Variants in ZNF341 observed in about 807,000 individuals in gnomAD.
ZNF341 encodes the protein zinc finger protein 341.
A neutral mutation model predicts 87.7 loss-of-function variants in ZNF341; 52 were observed. The observed-to-expected ratio is 0.59, with a 90% CI of 0.47 to 0.75. The LOEUF (loss-of-function observed/expected upper bound fraction) is 0.75. ZNF341 is among the 30% of genes least tolerant of loss of function. The pLI is 0.00. For synonymous variants in ZNF341, 459 were observed against 472.7 expected (o/e 0.97, Z 0.38); for missense variants, 977 against 1,145.9 (o/e 0.85, Z 2.13).
chr20:33,745,913 C>A (rs373640877), intron 3 of ZNF341, among the ~76,000 whole-genome samples: 2 of 146,600 alleles, frequency 1.4e-5, no homozygotes, highest in African/African-American at 2.5e-5. Flanking sequence ...CTTGGCAGAT[C>A]GTGTAGGGTC....
At chr20:33,757,002 G>A in intron 5 of ZNF341, 146 bp from the exon 6 acceptor site, 1 of 587,542 alleles carries the variant, frequency 1.7e-6, no homozygotes. Flanking sequence ...GGAGTGGCTT[G>A]GGTGACCGGG....
In ZNF341 at chr20:33,747,483, C is replaced by T. The variant is rs753193235; in HGVS notation, c.340-1440C>T. ...ACAAAAAATTAGCCGGGCGTAGTGG[C>T]GGGCGCCTGTAGTCCCAGCTACTTG... On this transcript the variant is annotated intron_variant, in intron 3 of 14. Transcript: ENST00000375200. Among the ~76,000 whole-genome samples the T allele has an allele frequency of 1.4e-4, 20 of 143,156 alleles. 1 individual carries two copies. The highest frequency in any genetic ancestry group is 4.1e-4 in the Admixed American group (6 of 14,760). 93.9% of individuals were successfully genotyped at this position (143,156 alleles called of 152,430 possible).
intron 1 of ZNF341, among the ~76,000 whole-genome samples, chr20:33,733,815 G>A (rs1436281344): frequency 6.6e-6 from 1 of 152,204 alleles, no homozygotes; most frequent in East Asian, 1.9e-4. Context: ...TGGTAGAGGA[G>A]AGAAATTATA....
At chr20:33,763,492 C>A (rs2019337502) in intron 8 of ZNF341, among the ~76,000 whole-genome samples, 1 of 152,038 alleles carries the variant, frequency 6.6e-6, no homozygotes, top group Admixed American at 6.6e-5. Context: ...AGAGACAAGG[C>A]TTCACCATGT....
Position 33,758,715 on chromosome 20 carries a change from G to A in ZNF341, c.938-1G>A, listed in dbSNP as rs1250556887. The A allele has an allele frequency of 6.2e-7, 1 of 1,612,898 alleles. No homozygotes were observed. The highest frequency in any genetic ancestry group is 8.5e-7 in the Non-Finnish European group (1 of 1,179,592). ...GTCCCCTCCTTCCACTTGTCTTTCA[G>A]CTGCAGGGAAGCCAAAGGCTCAGAA... On this transcript the variant is annotated splice_acceptor_variant, in intron 6 of 14. Coordinates refer to ENST00000375200, the MANE Select transcript of ZNF341 (RefSeq NM_001282933.2). LOFTEE classifies it high-confidence loss of function.
chr20:33,751,828 C>T (rs1239465450), intron 4 of ZNF341, among the ~76,000 whole-genome samples: 4 of 152,152 alleles, frequency 2.6e-5, no homozygotes. Context: ...CTCAGCCTCC[C>T]AAAGTGTTGA....
chr20:33,756,835 G>A (rs1021919619), intron 5 of ZNF341, among the ~76,000 whole-genome samples: 1 of 152,186 alleles, frequency 6.6e-6, no homozygotes, highest in Admixed American at 6.5e-5. Flanking sequence ...GTACTATGAT[G>A]AGTCCCATTT....
intron 8 of ZNF341, among the ~76,000 whole-genome samples, chr20:33,766,146 A>C (rs565285920): frequency 3.3e-5 from 5 of 152,088 alleles, no homozygotes; most frequent in Non-Finnish European, 4.4e-5. Flanking sequence ...TGGCCTCCCA[A>C]AGTGCTGGGA....
At chr20:33,763,470 C>A (rs571518485) in intron 8 of ZNF341, among the ~76,000 whole-genome samples, 1 of 151,944 alleles carries the variant, frequency 6.6e-6, no homozygotes, top group Non-Finnish European at 1.5e-5. Flanking sequence ...GGCTAATTTT[C>A]GTATTTTTAG....
chr20:33,735,278 G>A (rs932398680), intron 1 of ZNF341, among the ~76,000 whole-genome samples: 1 of 152,112 alleles, frequency 6.6e-6, no homozygotes, highest in Non-Finnish European at 1.5e-5. Flanking sequence ...TGATCTGCCC[G>A]CCTTGGCCTC....
intron 8 of ZNF341, among the ~76,000 whole-genome samples, chr20:33,765,273 G>A (rs1351260514): frequency 1.3e-5 from 2 of 152,112 alleles, no homozygotes; most frequent in Non-Finnish European, 2.9e-5. Flanking sequence ...GTTTTGCTGG[G>A]AAAGCAATGT....
intron 12 of ZNF341, among the ~76,000 whole-genome samples, 163 bp downstream of exon 12, chr20:33,784,027 C>T (rs2019798146): frequency 7.6e-6 from 1 of 132,216 alleles, no homozygotes; most frequent in Non-Finnish European, 1.6e-5. Context: ...TCACTCAGTC[C>T]CTCCCCTCAT....
chr20:33,733,732 G>T (rs985391855), intron 1 of ZNF341, among the ~76,000 whole-genome samples: 1 of 152,194 alleles, frequency 6.6e-6, no homozygotes, highest in African/African-American at 2.4e-5. Context: ...GGGTAGCCCT[G>T]TCTCCATCTA....
intron 11 of ZNF341, 56 bp from the exon 12 acceptor site, chr20:33,783,676 T>C: frequency 6.2e-7 from 1 of 1,611,842 alleles, no homozygotes; most frequent in Non-Finnish European, 8.5e-7. Flanking sequence ...GTTCAGAAGA[T>C]GGCCAGGGGA....
intron 12 of ZNF341, among the ~76,000 whole-genome samples, chr20:33,786,093 G>A (rs780558224): frequency 2.4e-5 from 3 of 126,254 alleles, no homozygotes; most frequent in African/African-American, 9.1e-5. Context: ...AACCTCTGCC[G>A]CCTGAGTTCA....
intron 2 of ZNF341, among the ~76,000 whole-genome samples, chr20:33,744,019 C>T (rs887296283): frequency 3.9e-5 from 6 of 152,176 alleles, no homozygotes; most frequent in Non-Finnish European, 5.9e-5. Flanking sequence ...CAGTGGCTCA[C>T]GCCTGTAATC....
chr20:33,768,563 C>T (rs938987973), intron 9 of ZNF341, among the ~76,000 whole-genome samples: 1 of 151,826 alleles, frequency 6.6e-6, no homozygotes, highest in Non-Finnish European at 1.5e-5. Context: ...GCTGGGATTA[C>T]GTGCATGCAC....
chr20:33,790,022 C>A (rs2019965529), intron 14 of ZNF341, among the ~76,000 whole-genome samples: 1 of 151,918 alleles, frequency 6.6e-6, no homozygotes, highest in Admixed American at 6.6e-5. Context: ...CAGCCGAGGT[C>A]TAAAACAAGG....
chr20:33,776,772 G>C (rs574386501), intron 10 of ZNF341, among the ~76,000 whole-genome samples: 1 of 152,072 alleles, frequency 6.6e-6, no homozygotes, highest in East Asian at 1.9e-4. Context: ...CCTTGCCTCA[G>C]CCTCCCCAGT....
Sources: gnomAD v4.1 joint callset for allele counts (sites outside exome capture counted in the v4.1 genomes callset) on GRCh38, gnomAD v4.1.1 for gene constraint, MANE v1.5 for transcripts, NCBI Gene and HGNC (gene_info 2026-07-23, HGNC 2026-07-21) for gene names.